The following TRAF5 variants were observed in gnomAD, a reference collection of about 807,000 sequenced individuals.
The protein encoded by TRAF5 is TNF receptor associated factor 5, also known as TNF receptor-associated factor 5.
A neutral mutation model predicts 64.5 loss-of-function variants in TRAF5; 48 were observed. The ratio of observed to expected loss-of-function variants is 0.74; its 90% confidence interval spans 0.59 to 0.95. TRAF5 has a LOEUF of 0.95. TRAF5 is among the 40% of genes least tolerant of loss of function. The pLI is 0.00. For synonymous variants in TRAF5, 206 were observed against 240.5 expected (o/e 0.86, Z 1.33); for missense variants, 545 against 662.8 (o/e 0.82, Z 1.95).
intron 1 of TRAF5, among the ~76,000 whole-genome samples, chr1:211,335,296 A>T (rs1702261257): frequency 6.6e-6 from 1 of 152,130 alleles, no homozygotes; most frequent in Non-Finnish European, 1.5e-5. Context: ...TATGAAGATG[A>T]ATAATACAAT....
chr1:211,366,670 T>G (rs974223974), intron 8 of TRAF5, among the ~76,000 whole-genome samples: 3 of 152,088 alleles, frequency 2.0e-5, no homozygotes, highest in African/African-American at 7.2e-5. Context: ...AGGGAGAGCT[T>G]GCACTGAAGC....
chr1:211,335,913 C>T (rs1702277589), intron 1 of TRAF5, among the ~76,000 whole-genome samples: 1 of 151,942 alleles, frequency 6.6e-6, no homozygotes, highest in Non-Finnish European at 1.5e-5. Flanking sequence ...AGAGCAGGGG[C>T]CCCATGCAGG....
chr1:211,367,471 T>C (rs1703391387), intron 8 of TRAF5, among the ~76,000 whole-genome samples: 1 of 152,176 alleles, frequency 6.6e-6, no homozygotes, highest in Admixed American at 6.5e-5. Flanking sequence ...GTACAATGCC[T>C]AACACATAAT....
rs188528573 is a variant in TRAF5 at position 211,345,933 on chromosome 1, G to T, written c.-1-7306G>T. The stretch of plus-strand genomic sequence containing the variant: ...CCAGGGAGCCTGGAAAACAGTTTGC[G>T]GCATCAAATTTCACCCTACCTCATG... On this transcript the variant is annotated intron_variant, in intron 1 of 10. Coordinates refer to ENST00000261464, the MANE Select transcript of TRAF5 (RefSeq NM_001033910.3). Among the ~76,000 whole-genome samples, 53 of 152,322 alleles carry T rather than the reference G, an allele frequency of 3.5e-4. No individual in the cohort carries two copies. In the East Asian group the frequency reaches 9.5e-3, roughly 27 times the overall value.
chr1:211,333,380 G>A (rs533697368), intron 1 of TRAF5, among the ~76,000 whole-genome samples: 1 of 152,114 alleles, frequency 6.6e-6, no homozygotes, highest in East Asian at 1.9e-4. Context: ...GTAGAAACGG[G>A]ATTTCACCAT....
chr1:211,364,091 A>C (rs1366284527), intron 7 of TRAF5, among the ~76,000 whole-genome samples: 1 of 152,066 alleles, frequency 6.6e-6, no homozygotes, highest in Non-Finnish European at 1.5e-5. Context: ...AAAGAAGCCA[A>C]CCCTAACCCG....
At chr1:211,348,905 T>G (rs1488103688) in intron 1 of TRAF5, among the ~76,000 whole-genome samples, 1 of 151,598 alleles carries the variant, frequency 6.6e-6, no homozygotes, top group East Asian at 1.9e-4. Context: ...GTTTTAAGAG[T>G]GTTATCTTAG....
rs2102779636 is a variant in TRAF5 at position 211,373,532 on chromosome 1, A to G, written c.*830A>G. The G allele has an allele frequency of 6.6e-6, 1 of 152,320 alleles. No homozygotes were observed. Among genetic ancestry groups the G allele is most frequent in the East Asian group, 1.9e-4 (1 of 5,190 alleles). The allele number at this position is 152,320 out of a possible 1,614,324, so 9.4% of individuals were successfully genotyped here. Reference sequence around the variant, plus strand: ...CACACACATACATATACACCTATATATGTGTGTATACAAACAGTTCGAATG... The same window carrying G: ...CACACACATACATATACACCTATATGTGTGTGTATACAAACAGTTCGAATG... On this transcript the variant is annotated 3_prime_UTR_variant, in exon 11 of 11. Transcript: ENST00000261464.
At chr1:211,361,356 A>C (rs1703173305) in intron 7 of TRAF5, among the ~76,000 whole-genome samples, 194 bp downstream of exon 7, 1 of 152,156 alleles carries the variant, frequency 6.6e-6, no homozygotes, top group South Asian at 2.1e-4. Context: ...TTATTTTAAG[A>C]AGTTGGCTCT....
At chr1:211,342,802 T>A (rs1352877007) in intron 1 of TRAF5, among the ~76,000 whole-genome samples, 2 of 152,244 alleles carry the variant, frequency 1.3e-5, no homozygotes, top group Non-Finnish European at 1.5e-5. Context: ...TGTCCTCTAG[T>A]TCCATCTATG....
At chr1:211,363,465 G>C (rs575393643) in intron 7 of TRAF5, among the ~76,000 whole-genome samples, 3 of 152,234 alleles carry the variant, frequency 2.0e-5, no homozygotes, top group African/African-American at 7.2e-5. Flanking sequence ...CTGACACTCT[G>C]GTAAAACTAG....
intron 7 of TRAF5, among the ~76,000 whole-genome samples, chr1:211,363,630 T>A (rs1266043889): frequency 6.6e-6 from 1 of 152,188 alleles, no homozygotes; most frequent in Non-Finnish European, 1.5e-5. Flanking sequence ...GAAGAGTCTA[T>A]AAATTTGTCA....
Position 211,373,616 on chromosome 1 carries a change from G to A in TRAF5, c.*914G>A, listed in dbSNP as rs1042031980. 2 of 152,154 alleles carry A rather than the reference G, an allele frequency of 1.3e-5. No individual in the cohort carries two copies. The highest frequency in any genetic ancestry group is 4.8e-5 in the African/African-American group (2 of 41,416). The allele number at this position is 152,154 out of a possible 1,614,324, so 9.4% of individuals were successfully genotyped here. ...TGGATAGAATTTAGTATATGATAGA[G>A]AAAATGTCATAAATGGATAAAAGGA... On this transcript the variant is annotated 3_prime_UTR_variant, in exon 11 of 11. Transcript: ENST00000261464.
Position 211,369,548 on chromosome 1 carries a change from G to C in TRAF5, c.886G>C (p.Ala296Pro). ...KKLEKEFKQF[A>P]QLFGKNGSFL... ...ACTTGAAAAGGAGTTCAAGCAGTTT[G>C]CACAGTTGTTTGGCAAAAATGGAAG... The change falls in exon 9 of 11, where the codon GCA (alanine) becomes CCA (proline). Residue 296 changes from alanine to proline, a missense_variant. Ala to Pro is a conservative substitution (Grantham distance 27, BLOSUM62 -1). Coordinates refer to ENST00000261464, the MANE Select transcript of TRAF5 (RefSeq NM_001033910.3). The C allele has an allele frequency of 6.2e-7, 1 of 1,604,912 alleles. No individual in the cohort carries two copies. The highest frequency in any genetic ancestry group is 8.5e-7 in the Non-Finnish European group (1 of 1,176,972).
intron 9 of TRAF5, among the ~76,000 whole-genome samples, chr1:211,370,133 AT>A (rs1703476069): frequency 6.6e-6 from 1 of 151,338 alleles, no homozygotes; most frequent in South Asian, 2.1e-4. Context: ...AAGTGAAACT[AT>A]TAATTTCCTT....
At chr1:211,336,054 A>G (rs529838189) in intron 1 of TRAF5, among the ~76,000 whole-genome samples, 1 of 151,918 alleles carries the variant, frequency 6.6e-6, no homozygotes, top group East Asian at 1.9e-4. Flanking sequence ...TGTGGAGGAG[A>G]GAAAGGTTTA....
intron 4 of TRAF5, chr1:211,358,101 T>G (rs1213297461): frequency 6.6e-6 from 1 of 152,248 alleles, no homozygotes; most frequent in Non-Finnish European, 1.5e-5. Flanking sequence ...GGACAAGTTC[T>G]CTAACATTTT....
intron 1 of TRAF5, among the ~76,000 whole-genome samples, chr1:211,340,453 T>C (rs1369478489): frequency 1.3e-5 from 2 of 152,184 alleles, no homozygotes; most frequent in African/African-American, 4.8e-5. Flanking sequence ...CCCAGCTTTT[T>C]GTATTTTTAG....
At chr1:211,350,638 A>G (rs1398903278) in intron 1 of TRAF5, among the ~76,000 whole-genome samples, 1 of 152,218 alleles carries the variant, frequency 6.6e-6, no homozygotes, top group Non-Finnish European at 1.5e-5. Context: ...GAAGAAAGCA[A>G]TTAATGAACT....
Sources: allele counts gnomAD v4.1 joint callset (sites outside exome capture counted in the v4.1 genomes callset), GRCh38; gene constraint gnomAD v4.1.1; transcripts MANE v1.5; gene names NCBI Gene and HGNC (gene_info 2026-07-23, HGNC 2026-07-21).